TMEM156: variants seen among roughly 807,000 people sequenced by gnomAD.
TMEM156 encodes the protein transmembrane protein 156.
Under a neutral mutation model 30.5 loss-of-function variants are expected in TMEM156, and 28 were observed. That is an observed-to-expected ratio of 0.92 (90% CI 0.68 to 1.26). The LOEUF is 1.26. TMEM156 is among the 50% of genes most tolerant of loss of function. The pLI is 0.00. For synonymous variants in TMEM156, 137 were observed against 119.9 expected, an observed-to-expected ratio of 1.14 and a Z score of -0.93; for missense variants, 351 against 340.6, an observed-to-expected ratio of 1.03 and a Z score of -0.24.
intron 2 of TMEM156, among the ~76,000 whole-genome samples, chr4:38,994,690 G>A (rs1343982004): frequency 6.6e-6 from 1 of 152,182 alleles, no homozygotes; most frequent in African/African-American, 2.4e-5. Context: ...GATCCTGCCT[G>A]TAATCCTAGC....
At chr4:38,969,154 T>C (rs1579445604) in intron 6 of TMEM156, among the ~76,000 whole-genome samples, 1 of 152,242 alleles carries the variant, frequency 6.6e-6, no homozygotes, top group Non-Finnish European at 1.5e-5. Context: ...ACACATTCAA[T>C]GTATTCCTTC....
At chr4:38,984,981 C>T (rs554899112) in intron 5 of TMEM156, among the ~76,000 whole-genome samples, 3 of 139,706 alleles carry the variant, frequency 2.1e-5, no homozygotes, top group African/African-American at 7.9e-5. Context: ...GTGATTCCCT[C>T]GACTATATGG....
chr4:38,989,109 T>C (rs1712230927), intron 3 of TMEM156, 139 bp from the exon 4 acceptor site: 1 of 778,412 alleles, frequency 1.3e-6, no homozygotes, highest in Admixed American at 2.7e-5. Flanking sequence ...TGTTACAGGG[T>C]CACTAGCTCT....
chr4:39,027,758 C>CTTTTTTTTTTTTTTTT (rs112766367), intron 1 of TMEM156, among the ~76,000 whole-genome samples: 1 of 120,794 alleles, frequency 8.3e-6, no homozygotes, highest in Non-Finnish European at 1.7e-5. Context: ...TTTTCTTTTT[C>CTTTTTTTTTTTTTTTT]TTTTTTTTTT....
chr4:38,974,366 A>C (rs936407955), intron 5 of TMEM156, among the ~76,000 whole-genome samples: 2 of 151,862 alleles, frequency 1.3e-5, no homozygotes, highest in African/African-American at 4.8e-5. Flanking sequence ...CACTGCATCC[A>C]GGCTGATTTC....
chr4:38,990,829 G>GGTTTTTTTTTTTT (rs1560365229), intron 3 of TMEM156, among the ~76,000 whole-genome samples: 1 of 84,468 alleles, frequency 1.2e-5, no homozygotes, highest in African/African-American at 4.6e-5. Flanking sequence ...TTTGTTTTCT[G>GGTTTTTTTTTTTT]GTTTTTTTTT....
chr4:39,016,487 T>C (rs1714495493), intron 1 of TMEM156, among the ~76,000 whole-genome samples: 1 of 152,206 alleles, frequency 6.6e-6, no homozygotes, highest in African/African-American at 2.4e-5. Context: ...TTTCCTGCCA[T>C]TACTTTCTGG....
At chr4:39,002,046 A>G (rs1256717686) in intron 1 of TMEM156, among the ~76,000 whole-genome samples, 2 of 136,744 alleles carry the variant, frequency 1.5e-5, no homozygotes, top group African/African-American at 5.2e-5. Context: ...ATCTAATTAA[A>G]CTAAAGAGCT....
chr4:38,980,133 G>A, intron 5 of TMEM156, among the ~76,000 whole-genome samples: 1 of 140,656 alleles, frequency 7.1e-6, no homozygotes, highest in African/African-American at 2.7e-5. Flanking sequence ...TAGTCAATGT[G>A]AAAATAAAAT....
intron 1 of TMEM156, among the ~76,000 whole-genome samples, chr4:39,008,644 CTT>C (rs1321164605): frequency 6.6e-6 from 1 of 152,078 alleles, no homozygotes; most frequent in Non-Finnish European, 1.5e-5. Context: ...AAGAGGCACT[CTT>C]AAAACCAGAC....
chr4:39,010,094 A>G (rs930723133), intron 1 of TMEM156, among the ~76,000 whole-genome samples: 3 of 152,160 alleles, frequency 2.0e-5, no homozygotes, highest in African/African-American at 7.2e-5. Flanking sequence ...CTATACACCA[A>G]TAACATTCAA....
chr4:38,994,348 A>G (rs1712768823), intron 2 of TMEM156, among the ~76,000 whole-genome samples: 1 of 152,110 alleles, frequency 6.6e-6, no homozygotes, highest in African/African-American at 2.4e-5. Context: ...CTGGTCTCCA[A>G]CTTTTGGACT....
chr4:38,990,044 C>T (rs1050951811), intron 3 of TMEM156, among the ~76,000 whole-genome samples: 2 of 152,220 alleles, frequency 1.3e-5, no homozygotes, highest in South Asian at 2.1e-4. Context: ...ATCCACCCGC[C>T]TCGGCCTCCC....
intron 5 of TMEM156, among the ~76,000 whole-genome samples, chr4:38,979,305 C>G (rs1170376157): frequency 1.3e-5 from 2 of 152,222 alleles, no homozygotes; most frequent in African/African-American, 2.4e-5. Context: ...TGGCCTTGCC[C>G]CACACGTTCC....
chr4:38,967,866 C>T (rs1362279559), intron 6 of TMEM156, among the ~76,000 whole-genome samples: 2 of 152,234 alleles, frequency 1.3e-5, no homozygotes, highest in South Asian at 2.1e-4. Flanking sequence ...GCCACCACAC[C>T]CTTCCATGAC....
chr4:38,970,342 A>G (rs1317213456), intron 6 of TMEM156, among the ~76,000 whole-genome samples: 2 of 152,070 alleles, frequency 1.3e-5, no homozygotes, highest in Non-Finnish European at 2.9e-5. Context: ...CAAATTATTC[A>G]ATTTGAGTGC....
chr4:38,968,001 A>G (rs1722424374), intron 6 of TMEM156, among the ~76,000 whole-genome samples: 1 of 152,252 alleles, frequency 6.6e-6, no homozygotes, highest in African/African-American at 2.4e-5. Flanking sequence ...CATTCCTACC[A>G]GCAGTGTATA....
intron 2 of TMEM156, among the ~76,000 whole-genome samples, chr4:38,994,505 A>T (rs1712780502): frequency 6.6e-6 from 1 of 152,236 alleles, no homozygotes; most frequent in Admixed American, 6.5e-5. Flanking sequence ...GGATTGGAGC[A>T]TCTAAAAGAA....
intron 5 of TMEM156, among the ~76,000 whole-genome samples, chr4:38,978,872 T>C (rs1291049834): frequency 6.6e-6 from 1 of 152,000 alleles, no homozygotes; most frequent in Non-Finnish European, 1.5e-5. Context: ...AGCCTTCACC[T>C]CCCAGGCTCA....
Sources: allele counts gnomAD v4.1 joint callset (sites outside exome capture counted in the v4.1 genomes callset), GRCh38; gene constraint gnomAD v4.1.1; transcripts MANE v1.5; gene names NCBI Gene and HGNC (gene_info 2026-07-23, HGNC 2026-07-21).